Variants in TNFAIP8 observed in about 807,000 individuals in gnomAD.
TNFAIP8 encodes tumor necrosis factor alpha-induced protein 8.
TNFAIP8 carries 7 observed loss-of-function variants against 13.3 expected under a neutral mutation model. That is an observed-to-expected ratio of 0.52 (90% CI 0.30 to 0.99). TNFAIP8 has a LOEUF of 0.99. TNFAIP8 is among the 50% of genes least tolerant of loss of function. The probability of loss-of-function intolerance (pLI) is 0.07; values close to 1 mark genes in which losing one functional copy is unlikely to be tolerated. For missense variants in TNFAIP8, 258 were observed against 236.9 expected (o/e 1.09, Z -0.58); for synonymous variants, 94 against 87.6 (o/e 1.07, Z -0.41).
chr5:119,357,840 A>G lies in TNFAIP8; in HGVS notation c.31+1719A>G, dbSNP rs143334821. On this transcript the variant is annotated intron_variant, in intron 1 of 1. Transcript: ENST00000504771. Reference sequence around the variant, plus strand: ...GTAGTAGAATTTTAAATTGATAGCAATTAGGGTGGGATACTGAATAACTCT... The same window carrying G: ...GTAGTAGAATTTTAAATTGATAGCAGTTAGGGTGGGATACTGAATAACTCT... 4.3e-3 allele frequency among the ~76,000 whole-genome samples: 655 copies of G among 152,210 alleles called. 8 individuals are homozygous for G. Among genetic ancestry groups the G allele is most frequent in the African/African-American group, 0.014 (599 of 41,522 alleles).
chr5:119,290,057 TAAAG>T (rs1203449340), intron 1 of TNFAIP8, among the ~76,000 whole-genome samples: 1 of 152,234 alleles, frequency 6.6e-6, no homozygotes, highest in Non-Finnish European at 1.5e-5. Flanking sequence ...TGAAAAATGT[TAAAG>T]AAAGAAATTC....
rs1421120918 is a variant in TNFAIP8 at position 119,292,247 on chromosome 5, T to G, written c.1+23340T>G. Among the ~76,000 whole-genome samples the G allele has an allele frequency of 2.0e-5, 3 of 151,830 alleles. No individual in the cohort carries two copies. In the South Asian group the frequency reaches 6.3e-4, roughly 32 times the overall value. On this transcript the variant is annotated intron_variant, in intron 1 of 1. Coordinates refer to the TNFAIP8 transcript ENST00000274456. ...CCCAAGGAGAAGAGCCCATCTAGAATAGAGCTGAAGGAGGAGGGCTCCAGG... is the reference window on the plus strand; with the variant it reads ...CCCAAGGAGAAGAGCCCATCTAGAAGAGAGCTGAAGGAGGAGGGCTCCAGG...
At chr5:119,281,287 T>TACACACACACACACACACACAC (rs1554167569) in intron 1 of TNFAIP8, among the ~76,000 whole-genome samples, 3 of 112,306 alleles carry the variant, frequency 2.7e-5, no homozygotes, top group East Asian at 3.6e-4. Flanking sequence ...CACACACACA[T>TACACACACACACACACACACAC]ACACACACAC....
chr5:119,294,644 G>C (rs1749108193), intron 1 of TNFAIP8, among the ~76,000 whole-genome samples: 1 of 152,144 alleles, frequency 6.6e-6, no homozygotes, highest in African/African-American at 2.4e-5. Context: ...GGTAGAACTA[G>C]TTTACAGTCC....
In TNFAIP8 at chr5:119,397,203, G is replaced by C. The variant is rs575780197; in HGVS notation, c.*3822G>C. 4 of 151,700 alleles carry C rather than the reference G, an allele frequency of 2.6e-5. No individual in the cohort carries two copies. Among genetic ancestry groups the C allele is most frequent in the African/African-American group, 7.3e-5 (3 of 41,310 alleles). The allele number at this position is 151,700 out of a possible 1,614,324, so 9.4% of individuals were successfully genotyped here. ...AATAGTACTTTTTGTGGTCTGTACC[G>C]GTCAGTTGGATTTTTACTAAGAATT... On this transcript the variant is annotated 3_prime_UTR_variant, in exon 2 of 2. Transcript: ENST00000504771.
intron 1 of TNFAIP8, among the ~76,000 whole-genome samples, chr5:119,300,374 A>G (rs1204636111): frequency 6.6e-6 from 1 of 152,228 alleles, no homozygotes; most frequent in Non-Finnish European, 1.5e-5. Flanking sequence ...TAGAAAGGGT[A>G]AAATTACAAT....
chr5:119,326,758 G>T (rs1750238971), intron 1 of TNFAIP8, among the ~76,000 whole-genome samples: 2 of 152,158 alleles, frequency 1.3e-5, no homozygotes, highest in Admixed American at 1.3e-4. Flanking sequence ...GAAATGAAGA[G>T]AAAGCAGAGG....
chr5:119,290,711 T>C (rs374477670), intron 1 of TNFAIP8, among the ~76,000 whole-genome samples: 11 of 152,106 alleles, frequency 7.2e-5, no homozygotes, highest in South Asian at 4.1e-4. Flanking sequence ...ATCTGCATAA[T>C]AATGGAAAGA....
chr5:119,288,257 T>C (rs2150809006), intron 1 of TNFAIP8, among the ~76,000 whole-genome samples: 1 of 152,332 alleles, frequency 6.6e-6, no homozygotes, highest in African/African-American at 2.4e-5. Flanking sequence ...CATGTTTTTA[T>C]GGACACTTGA....
intron 1 of TNFAIP8, among the ~76,000 whole-genome samples, chr5:119,278,483 C>T (rs928773107): frequency 3.3e-5 from 5 of 150,650 alleles, no homozygotes; most frequent in South Asian, 2.1e-4. Context: ...CCTTTTCATC[C>T]GGGAGTAAAA....
chr5:119,365,511 T>G (rs1247233721), intron 1 of TNFAIP8, among the ~76,000 whole-genome samples: 1 of 152,168 alleles, frequency 6.6e-6, no homozygotes. Flanking sequence ...ACTGTATAAA[T>G]AAGGAGGCTT....
At position 119,367,655 on chromosome 5, in the gene TNFAIP8, A is replaced by G. The variant is rs184741528; in HGVS notation, c.31+11534A>G. 3.6e-4 allele frequency among the ~76,000 whole-genome samples: 55 copies of G among 152,366 alleles called. 1 individual carries two copies. The highest frequency in any genetic ancestry group is 1.1e-3 in the African/African-American group (46 of 41,576). ...CTCAATTGACTACATGTAGGCAGCTACTAAACTTGGCAGTTTGTTGCCATT... is the reference window on the plus strand; with the variant it reads ...CTCAATTGACTACATGTAGGCAGCTGCTAAACTTGGCAGTTTGTTGCCATT... On this transcript the variant is annotated intron_variant, in intron 1 of 1. Coordinates refer to ENST00000504771, the MANE Select transcript of TNFAIP8 (RefSeq NM_014350.4).
At chr5:119,299,814 C>A (rs976432725) in intron 1 of TNFAIP8, among the ~76,000 whole-genome samples, 1 of 152,212 alleles carries the variant, frequency 6.6e-6, no homozygotes, top group Non-Finnish European at 1.5e-5. Flanking sequence ...TGGGAAATGG[C>A]GGGCGCCCTT....
intron 1 of TNFAIP8, among the ~76,000 whole-genome samples, chr5:119,389,553 A>C (rs74565264): frequency 1.2e-3 from 180 of 152,344 alleles, no homozygotes; most frequent in African/African-American, 4.2e-3. Flanking sequence ...ATTTGCAAGA[A>C]AAAGAAACAA....
intron 1 of TNFAIP8, among the ~76,000 whole-genome samples, chr5:119,327,822 G>A (rs1750267254): frequency 6.6e-6 from 1 of 152,268 alleles, no homozygotes; most frequent in South Asian, 2.1e-4. Context: ...CTTTACAAAT[G>A]AAGTGACTGA....
chr5:119,320,359 A>G (rs1029902249), intron 1 of TNFAIP8, among the ~76,000 whole-genome samples: 1 of 152,126 alleles, frequency 6.6e-6, no homozygotes, highest in Non-Finnish European at 1.5e-5. Context: ...AAACATCCCT[A>G]TCACCATCAG....
chr5:119,361,641 A>C (rs926867257), intron 1 of TNFAIP8, among the ~76,000 whole-genome samples: 1 of 152,232 alleles, frequency 6.6e-6, no homozygotes, highest in Non-Finnish European at 1.5e-5. Flanking sequence ...TCCAGACCAC[A>C]TTTGTTGAAG....
intron 1 of TNFAIP8, among the ~76,000 whole-genome samples, chr5:119,304,897 T>C (rs1314882032): frequency 6.6e-6 from 1 of 152,222 alleles, no homozygotes; most frequent in Non-Finnish European, 1.5e-5. Flanking sequence ...AACAGAAAAG[T>C]CCCAAAAGAA....
upstream of TNFAIP8, among the ~76,000 whole-genome samples, chr5:119,353,302 A>G (rs1411829199): frequency 1.3e-5 from 2 of 152,244 alleles, no homozygotes; most frequent in Non-Finnish European, 2.9e-5. Context: ...AAAGCACAGC[A>G]AAATCAAAAT....
Sources: gnomAD v4.1 joint callset for allele counts (sites outside exome capture counted in the v4.1 genomes callset) on GRCh38, gnomAD v4.1.1 for gene constraint, MANE v1.5 for transcripts, NCBI Gene and HGNC (gene_info 2026-07-23, HGNC 2026-07-21) for gene names.